Variants in ARHGAP32 observed in about 807,000 individuals in gnomAD.
ARHGAP32 encodes rho GTPase-activating protein 32.
A neutral mutation model predicts 186.5 loss-of-function variants in ARHGAP32; 51 were observed. The ratio of observed to expected loss-of-function variants is 0.27; its 90% CI spans 0.22 to 0.35. The LOEUF (loss-of-function observed/expected upper bound fraction) is 0.35. Ranked by LOEUF, ARHGAP32 falls within the 10% of genes least tolerant of loss-of-function variation. The probability of loss-of-function intolerance (pLI) is 1.00; values close to 1 mark genes in which losing one functional copy is unlikely to be tolerated. For missense variants in ARHGAP32, 2,186 were observed against 2,623.5 expected (o/e 0.83, Z 3.64); for synonymous variants, 950 against 964.3 (o/e 0.99, Z 0.27).
chr11:129,168,850 G>A (rs1943693107), intron 1 of ARHGAP32, among the ~76,000 whole-genome samples: 1 of 151,502 alleles, frequency 6.6e-6, no homozygotes, highest in Admixed American at 6.6e-5. Context: ...AGCAATGACT[G>A]AAAGATAACT....
In ARHGAP32 at chr11:129,197,331, G is replaced by A. The variant is rs559442683; in HGVS notation, c.-4-32904C>T. Among the ~76,000 whole-genome samples the A allele has an allele frequency of 3.9e-4, 60 of 152,280 alleles. 2 individuals are homozygous for A. In the South Asian group the frequency reaches 0.012, roughly 30 times the overall value. On this transcript the variant is annotated intron_variant, in intron 1 of 6. Coordinates refer to the ARHGAP32 transcript ENST00000525234. ...GGTTCACTATCAGGGGAGGGGTATG[G>A]ACAGGATATCACACAGCAAAACAAT...
intron 11 of ARHGAP32, among the ~76,000 whole-genome samples, chr11:129,024,958 T>C (rs917244090): frequency 5.3e-5 from 8 of 152,340 alleles, no homozygotes; most frequent in African/African-American, 1.9e-4. Flanking sequence ...TGAACTGTGT[T>C]AACCCAATTA....
chr11:129,004,775 G>A (rs1310865012), intron 11 of ARHGAP32, among the ~76,000 whole-genome samples: 1 of 151,964 alleles, frequency 6.6e-6, no homozygotes, highest in Non-Finnish European at 1.5e-5. Flanking sequence ...GATGAAGTGT[G>A]TTTCCTATAG....
intron 11 of ARHGAP32, among the ~76,000 whole-genome samples, chr11:129,009,644 A>G (rs1937970717): frequency 6.6e-6 from 1 of 152,202 alleles, no homozygotes; most frequent in South Asian, 2.1e-4. Flanking sequence ...AGCCCCAAAC[A>G]TGTCCCTGCA....
At chr11:129,146,522 C>T (rs1943169947) in intron 2 of ARHGAP32, among the ~76,000 whole-genome samples, 1 of 152,008 alleles carries the variant, frequency 6.6e-6, no homozygotes, top group South Asian at 2.1e-4. Flanking sequence ...CTGAAAGAGC[C>T]TAATATTTAA....
At chr11:129,127,234 A>G (rs772001292) in intron 2 of ARHGAP32, among the ~76,000 whole-genome samples, 32 of 152,284 alleles carry the variant, frequency 2.1e-4, no homozygotes, top group Non-Finnish European at 4.3e-4. Context: ...AACTGACTGG[A>G]CTGTAGATGG....
intron 1 of ARHGAP32, among the ~76,000 whole-genome samples, chr11:129,173,987 C>A (rs570817519): frequency 1.3e-5 from 2 of 152,328 alleles, no homozygotes; most frequent in African/African-American, 2.4e-5. Flanking sequence ...CCAGCGTGAG[C>A]GACGCAGAAG....
chr11:129,235,900 AACACACACACACACACACAC>A (rs57291313), intron 1 of ARHGAP32, among the ~76,000 whole-genome samples: 51 of 145,760 alleles, frequency 3.5e-4, no homozygotes, highest in Non-Finnish European at 5.2e-4. Context: ...GTCATTCATA[AACACACACACACACACACAC>A]ACACACACAC....
chr11:128,971,934 A>G (rs1478832436), intron 22 of ARHGAP32: 1 of 152,362 alleles, frequency 6.6e-6, no homozygotes, highest in Non-Finnish European at 1.5e-5. Flanking sequence ...GAATGCTAGG[A>G]AAGTAACAAA....
chr11:129,024,211 C>A, intron 11 of ARHGAP32: 1 of 982,866 alleles, frequency 1.0e-6, no homozygotes, highest in Non-Finnish European at 1.2e-6. Context: ...CACAGAAACG[C>A]CCCAGCCTAA....
At position 128,999,839 on chromosome 11, in the gene ARHGAP32, C is replaced by T. The variant is rs112088668; in HGVS notation, c.1046-1371G>A. ...TCAAGCTTGGTAAACCAGTCATCTT[C>T]CCAATGCATACTTAAGGATGTTACA... is the stretch of plus-strand genomic sequence containing the variant. On this transcript the variant is annotated intron_variant, in intron 11 of 22. Coordinates refer to ENST00000682385, the MANE Select transcript of ARHGAP32 (RefSeq NM_001378024.1). Among the ~76,000 whole-genome samples the T allele has an allele frequency of 5.9e-3, 891 of 152,252 alleles. 3 individuals carry two copies. Among genetic ancestry groups the T allele is most frequent in the African/African-American group, 0.02 (843 of 41,536 alleles).
At chr11:128,979,913 C>T (rs1166197968) in intron 18 of ARHGAP32, among the ~76,000 whole-genome samples, 1 of 152,200 alleles carries the variant, frequency 6.6e-6, no homozygotes, top group Admixed American at 6.5e-5. Context: ...AATAGAATTT[C>T]AGAGCTGGAA....
At chr11:129,273,820 T>C (rs1945500004) in intron 1 of ARHGAP32, among the ~76,000 whole-genome samples, 1 of 152,182 alleles carries the variant, frequency 6.6e-6, no homozygotes, top group Non-Finnish European at 1.5e-5. Flanking sequence ...GGCAAACTGA[T>C]AGAATTTTCT....
At chr11:129,047,368 T>C (rs921904915) in intron 10 of ARHGAP32, among the ~76,000 whole-genome samples, 16 of 152,294 alleles carry the variant, frequency 1.1e-4, no homozygotes, top group African/African-American at 3.8e-4. Context: ...AGTGTTGATA[T>C]TCTATAACAA....
chr11:129,162,789 C>T (rs1019163713), intron 2 of ARHGAP32, among the ~76,000 whole-genome samples: 2 of 152,124 alleles, frequency 1.3e-5, no homozygotes, highest in African/African-American at 4.8e-5. Context: ...GAAACACTGA[C>T]GATAAAGTCA....
intron 2 of ARHGAP32, among the ~76,000 whole-genome samples, chr11:129,156,300 C>T (rs979917762): frequency 6.6e-6 from 1 of 152,214 alleles, no homozygotes; most frequent in Non-Finnish European, 1.5e-5. Flanking sequence ...CTAGCTCAGC[C>T]AATCCCACCC....
intron 1 of ARHGAP32, among the ~76,000 whole-genome samples, chr11:129,220,458 G>A (rs1241832228): frequency 6.6e-6 from 1 of 152,056 alleles, no homozygotes; most frequent in Non-Finnish European, 1.5e-5. Context: ...AAAACAAAAG[G>A]TCACTCAAAA....
intron 1 of ARHGAP32, among the ~76,000 whole-genome samples, chr11:129,248,088 A>G (rs11221618): frequency 0.65 from 98,266 of 151,500 alleles, 32,286 homozygotes; most frequent in Admixed American, 0.75. Flanking sequence ...CGAGGCGGGC[A>G]GATCACGAGG....
At chr11:129,273,406 AGGAAGGTCT>A (rs984297024) in intron 1 of ARHGAP32, among the ~76,000 whole-genome samples, 1 of 152,192 alleles carries the variant, frequency 6.6e-6, no homozygotes, top group African/African-American at 2.4e-5. Flanking sequence ...TAAAACAAGA[AGGAAGGTCT>A]GTCAGATTCT....
Sources: gnomAD v4.1 joint callset for allele counts (sites outside exome capture counted in the v4.1 genomes callset) on GRCh38, gnomAD v4.1.1 for gene constraint, MANE v1.5 for transcripts, NCBI Gene and HGNC (gene_info 2026-07-23, HGNC 2026-07-21) for gene names.